The following GSE1 variants were observed in gnomAD, a reference collection of about 807,000 sequenced individuals.
GSE1 encodes genetic suppressor element 1.
Under a neutral mutation model 112.6 loss-of-function variants are expected in GSE1, and 32 were observed. That is an observed-to-expected ratio of 0.28 (90% confidence interval 0.21 to 0.38). GSE1 has a LOEUF of 0.38. Among genes scored for constraint, GSE1 ranks in the 10% least tolerant of loss-of-function variants. The probability of loss-of-function intolerance (pLI) is 1.00; values close to 1 mark genes in which losing one functional copy is unlikely to be tolerated. For missense variants in GSE1, 2,348 were observed against 1,699.2 expected (o/e 1.38, Z -6.71); for synonymous variants, 1,115 against 735.6 (o/e 1.52, Z -8.35).
Position 85,293,169 on chromosome 16 carries a change from C to T in GSE1, c.2284-64294C>T, listed in dbSNP as rs534363805. Among the ~76,000 whole-genome samples the T allele has an allele frequency of 3.6e-4, 55 of 152,202 alleles. 1 individual carries two copies. The highest frequency in any genetic ancestry group is 3.3e-3 in the Admixed American group (51 of 15,284). Reference sequence around the variant, plus strand: ...CGGCTTTTGTCCCCCCATCGCTGTACTTTTTCTGTTAGTGATTGGATGAGT... The same window carrying T: ...CGGCTTTTGTCCCCCCATCGCTGTATTTTTTCTGTTAGTGATTGGATGAGT... On this transcript the variant is annotated intron_variant, in intron 1 of 2. Coordinates refer to the GSE1 transcript ENST00000637419.
At chr16:85,592,734 T>G (rs2047054183) in intron 1 of GSE1, 1 of 152,304 alleles carries the variant, frequency 6.6e-6, no homozygotes, top group Non-Finnish European at 1.5e-5. Flanking sequence ...TGACAGTTCC[T>G]GCTCTGCCCT....
At chr16:85,610,736 G>T (rs1305567968), upstream of GSE1, among the ~76,000 whole-genome samples, 2 of 152,246 alleles carry the variant, frequency 1.3e-5, no homozygotes, top group East Asian at 1.9e-4. Flanking sequence ...GGCCTACTGG[G>T]TTGGGAAGGG....
At chr16:85,188,376 A>G (rs930477639) in intron 1 of GSE1, among the ~76,000 whole-genome samples, 5 of 152,178 alleles carry the variant, frequency 3.3e-5, no homozygotes, top group Admixed American at 2.0e-4. Context: ...GGCTCTTATT[A>G]CTTTTGCTAT....
intron 2 of GSE1, among the ~76,000 whole-genome samples, chr16:85,403,871 G>A (rs1007181283): frequency 6.6e-6 from 1 of 152,150 alleles, no homozygotes; most frequent in African/African-American, 2.4e-5. Flanking sequence ...CAGCATCAAG[G>A]TGTGGGCAGG....
At chr16:85,650,871 C>G (rs1034237879) in intron 3 of GSE1, among the ~76,000 whole-genome samples, 2 of 151,728 alleles carry the variant, frequency 1.3e-5, no homozygotes, top group African/African-American at 4.8e-5. Context: ...CCGGAGGCTT[C>G]TCGGCCCCTT....
intron 1 of GSE1, 99 bp from the exon 2 acceptor site, chr16:85,633,815 C>T: frequency 2.3e-6 from 2 of 886,626 alleles, no homozygotes; most frequent in South Asian, 3.1e-5. Flanking sequence ...TGCCCCTGCT[C>T]CCTGCCTGCT....
chr16:85,601,511 T>G (rs1056121989), intron 1 of GSE1, among the ~76,000 whole-genome samples: 1 of 151,406 alleles, frequency 6.6e-6, no homozygotes, highest in Non-Finnish European at 1.5e-5. Context: ...GGCAATCAGG[T>G]AGAAATCAAG....
chr16:85,628,743 CAGAG>C, intron 1 of GSE1, among the ~76,000 whole-genome samples: 1 of 152,330 alleles, frequency 6.6e-6, no homozygotes, highest in Non-Finnish European at 1.5e-5. Context: ...TTAGAACATA[CAGAG>C]AGAGAAAAAG....
intron 1 of GSE1, among the ~76,000 whole-genome samples, chr16:85,621,664 C>G (rs1377150582): frequency 6.6e-6 from 1 of 152,196 alleles, no homozygotes; most frequent in Non-Finnish European, 1.5e-5. Flanking sequence ...AATCCACTAA[C>G]AGCAGGACTG....
In GSE1 at chr16:85,663,602, G is replaced by A. The variant is rs759700287; in HGVS notation, c.2632G>A (p.Glu878Lys). The change falls in exon 11 of 16, where the codon GAG becomes AAG. Residue 878 changes from glutamate to lysine, a missense_variant. Coordinates refer to ENST00000253458, the MANE Select transcript of GSE1 (RefSeq NM_014615.5). ...CTTCAACCTGACCCACATCAGCGCT[G>A]AGAAGAGGAAAGGTAGGGCCTCGCC... ...TIFNLTHISA[E>K]KRKDKERLVE... 6.2e-7 allele frequency: 1 copy of A among 1,612,670 alleles called. No homozygotes were observed.
intron 2 of GSE1, among the ~76,000 whole-genome samples, chr16:85,409,425 A>G (rs1229955166): frequency 1.6e-4 from 4 of 24,596 alleles, no homozygotes; most frequent in South Asian, 2.8e-3. Flanking sequence ...GATAATCCTC[A>G]CTGTTACACT....
intron 1 of GSE1, among the ~76,000 whole-genome samples, chr16:85,589,424 C>T (rs537736311): frequency 5.3e-5 from 8 of 152,246 alleles, no homozygotes; most frequent in East Asian, 1.9e-4. Flanking sequence ...AGCTTTGACA[C>T]GGCGCGGGTG....
At chr16:85,258,125 TAG>T (rs1280597730) in intron 1 of GSE1, among the ~76,000 whole-genome samples, 1 of 152,124 alleles carries the variant, frequency 6.6e-6, no homozygotes, top group East Asian at 1.9e-4. Flanking sequence ...AGGGGCAGGG[TAG>T]AGTGTGCACC....
At chr16:85,547,877 T>TCAA (rs2044755277) in intron 2 of GSE1, among the ~76,000 whole-genome samples, 7 of 73,966 alleles carry the variant, frequency 9.5e-5, no homozygotes, top group Non-Finnish European at 1.7e-4. Context: ...AGTCTCTGTC[T>TCAA]CAAAAAAAAA....
chr16:85,344,447 C>T (rs1168399133), intron 1 of GSE1, among the ~76,000 whole-genome samples: 1 of 152,218 alleles, frequency 6.6e-6, no homozygotes, highest in Non-Finnish European at 1.5e-5. Flanking sequence ...TGTTTCGGGG[C>T]TGAGAGCTGC....
intron 2 of GSE1, among the ~76,000 whole-genome samples, chr16:85,462,632 T>A (rs2049999592): frequency 1.4e-5 from 2 of 145,174 alleles, no homozygotes; most frequent in Admixed American, 6.9e-5. Flanking sequence ...ACAAGCGCGT[T>A]ATCAAGTGCA....
intron 1 of GSE1, among the ~76,000 whole-genome samples, chr16:85,323,366 G>A (rs779332275): frequency 6.6e-6 from 1 of 152,148 alleles, no homozygotes; most frequent in Non-Finnish European, 1.5e-5. Context: ...TCTAGAAAGG[G>A]TGAGAGCCTA....
rs2048708642 is a variant in GSE1, at chr16:85,621,097, G to A, written c.7+7699G>A. Among the ~76,000 whole-genome samples, 5 of 151,852 alleles carry A rather than the reference G, an allele frequency of 3.3e-5. No individual in the cohort carries two copies. In the South Asian group the frequency reaches 1.0e-3, roughly 32 times the overall value. On this transcript the variant is annotated intron_variant, in intron 1 of 15. Transcript: ENST00000253458. ...AGCCCTGGATCTCTGCACTGTTGGG[G>A]AACCCGTGTAGATGGTCTTGGCCCT...
chr16:85,358,871 A>C (rs1050596415), intron 2 of GSE1, among the ~76,000 whole-genome samples: 1 of 152,178 alleles, frequency 6.6e-6, no homozygotes, highest in African/African-American at 2.4e-5. Flanking sequence ...GCTCCTGATC[A>C]CAAAAGCCAG....
Sources: allele counts gnomAD v4.1 joint callset (sites outside exome capture counted in the v4.1 genomes callset), GRCh38; gene constraint gnomAD v4.1.1; transcripts MANE v1.5; gene names NCBI Gene and HGNC (gene_info 2026-07-23, HGNC 2026-07-21).